The following FNBP1L variants were observed in gnomAD, a reference collection of about 807,000 sequenced individuals.
FNBP1L encodes formin binding protein 1 like.
A neutral mutation model predicts 91.2 loss-of-function variants in FNBP1L; 36 were observed. The ratio of observed to expected loss-of-function variants is 0.39; its 90% confidence interval spans 0.30 to 0.52. FNBP1L has a LOEUF of 0.52. Ranked by LOEUF, FNBP1L falls within the 20% of genes least tolerant of loss-of-function variation. FNBP1L has a pLI of 0.66. For synonymous variants in FNBP1L, 242 were observed against 237.0 expected (o/e 1.02, Z -0.19); for missense variants, 571 against 732.1 (o/e 0.78, Z 2.54).
chr1:93,517,739 C>A (rs1453862566), intron 2 of FNBP1L, among the ~76,000 whole-genome samples: 1 of 151,652 alleles, frequency 6.6e-6, no homozygotes, highest in Non-Finnish European at 1.5e-5. Flanking sequence ...ACTCTTCTTC[C>A]TTCCCTGTTA....
At position 93,448,136 on chromosome 1, in the gene FNBP1L, C is replaced by A; in HGVS notation, c.-146C>A. The A allele has an allele frequency of 9.8e-7, 1 of 1,019,530 alleles. No individual in the cohort carries two copies. The highest frequency in any genetic ancestry group is 1.6e-5 in the South Asian group (1 of 63,648). 63.2% of individuals were successfully genotyped at this position (1,019,530 alleles called of 1,614,324 possible). A position where few individuals can be genotyped will look rare whatever the true frequency, so the allele number is the denominator to read the frequency against. ...CTTCTCCAGTCGCGTCTTTCTCACTCACTGGGGAGCCCGGCGGTGGCGGCA... is the reference window on the plus strand; with the variant it reads ...CTTCTCCAGTCGCGTCTTTCTCACTAACTGGGGAGCCCGGCGGTGGCGGCA... On this transcript the variant is annotated 5_prime_UTR_variant, in exon 1 of 17. Transcript: ENST00000271234.
intron 5 of FNBP1L, among the ~76,000 whole-genome samples, chr1:93,527,121 A>G (rs1671519354): frequency 6.6e-6 from 1 of 152,220 alleles, no homozygotes; most frequent in Non-Finnish European, 1.5e-5. Flanking sequence ...ATTTGAAAAA[A>G]TCCTGGAGCG....
At chr1:93,448,401 C>A in intron 1 of FNBP1L, 96 bp downstream of exon 1, 2 of 1,328,984 alleles carry the variant, frequency 1.5e-6, no homozygotes, top group Non-Finnish European at 2.0e-6. Context: ...AAGCGCGCTC[C>A]GCCGTCCTCG....
chr1:93,530,478 A>C (rs983871789), intron 6 of FNBP1L, among the ~76,000 whole-genome samples: 2 of 152,122 alleles, frequency 1.3e-5, no homozygotes, highest in African/African-American at 2.4e-5. Flanking sequence ...AGTCTATATT[A>C]GAATGTCTTA....
At chr1:93,528,831 C>A (rs1671578908) in intron 5 of FNBP1L, among the ~76,000 whole-genome samples, 1 of 151,948 alleles carries the variant, frequency 6.6e-6, no homozygotes, top group Non-Finnish European at 1.5e-5. Context: ...CTGGAAAAAA[C>A]TGGTTGAATT....
chr1:93,523,317 C>T, intron 3 of FNBP1L, 27 bp from the exon 4 acceptor site: 1 of 1,578,740 alleles, frequency 6.3e-7, no homozygotes, highest in Non-Finnish European at 8.6e-7. Flanking sequence ...AAAAGTAAGT[C>T]TCACCATTTT....
At chr1:93,542,776 CTTTTTT>C (rs34922906) in intron 11 of FNBP1L, among the ~76,000 whole-genome samples, 1 of 125,588 alleles carries the variant, frequency 8.0e-6, no homozygotes, top group Non-Finnish European at 1.6e-5. Flanking sequence ...TTTTCTTTAC[CTTTTTT>C]TTTTTTTTTT....
At chr1:93,543,148 A>G (rs1229996708) in intron 11 of FNBP1L, among the ~76,000 whole-genome samples, 4 of 152,124 alleles carry the variant, frequency 2.6e-5, no homozygotes, top group South Asian at 2.1e-4. Flanking sequence ...GGCATCATCA[A>G]TTTCTGGAGT....
intron 3 of FNBP1L, among the ~76,000 whole-genome samples, chr1:93,522,713 T>C (rs1436406387): frequency 6.6e-6 from 1 of 152,230 alleles, no homozygotes; most frequent in Non-Finnish European, 1.5e-5. Context: ...GAGTCCTATC[T>C]GAGCTGTTAA....
intron 10 of FNBP1L, among the ~76,000 whole-genome samples, chr1:93,537,738 C>T (rs923564639): frequency 6.6e-6 from 1 of 152,158 alleles, no homozygotes; most frequent in African/African-American, 2.4e-5. Context: ...TCTAAAAGCT[C>T]TGAACACTTG....
chr1:93,480,130 G>A (rs1290927093), intron 1 of FNBP1L, among the ~76,000 whole-genome samples: 2 of 152,070 alleles, frequency 1.3e-5, no homozygotes, highest in Non-Finnish European at 2.9e-5. Context: ...CCTCTGTTAG[G>A]GGTCCCTGAC....
At chr1:93,538,259 ATT>A (rs35394326) in intron 10 of FNBP1L, among the ~76,000 whole-genome samples, 5,395 of 144,764 alleles carry the variant, frequency 0.037, 288 homozygotes, top group African/African-American at 0.12. Context: ...GTGTCATCTT[ATT>A]TTTTTTTTTT....
chr1:93,469,171 G>A (rs1189364344), intron 1 of FNBP1L, among the ~76,000 whole-genome samples: 2 of 151,838 alleles, frequency 1.3e-5, no homozygotes, highest in African/African-American at 4.8e-5. Context: ...GTGCCATGTT[G>A]GTTTGCTGCA....
In FNBP1L at chr1:93,462,993, CATTT is replaced by C. The variant is rs925083537; in HGVS notation, c.24+14695_24+14698del. 6.6e-4 allele frequency among the ~76,000 whole-genome samples: 101 copies of C among 152,200 alleles called. 1 individual carries two copies. The highest frequency in any genetic ancestry group is 3.4e-3 in the Middle Eastern group (1 of 294). On this transcript the variant is annotated intron_variant, in intron 1 of 16. Transcript: ENST00000271234. The stretch of plus-strand genomic sequence containing the variant: ...CTCCTCCATCTATTTATTCATCAAT[CATTT>C]ATTTATATCAGTATGAACTGATGGA...
chr1:93,505,956 C>T (rs1253022491), intron 2 of FNBP1L, among the ~76,000 whole-genome samples: 1 of 152,114 alleles, frequency 6.6e-6, no homozygotes, highest in African/African-American at 2.4e-5. Flanking sequence ...GGATTACAGG[C>T]GTGAGCCACC....
chr1:93,460,756 G>A (rs1668832680), intron 1 of FNBP1L, among the ~76,000 whole-genome samples: 3 of 152,196 alleles, frequency 2.0e-5, no homozygotes, highest in Admixed American at 1.3e-4. Flanking sequence ...GAGCAAAATG[G>A]TCGTAACCAG....
chr1:93,495,060 C>T (rs565672778), intron 1 of FNBP1L, among the ~76,000 whole-genome samples: 15 of 152,210 alleles, frequency 9.9e-5, no homozygotes, highest in African/African-American at 3.1e-4. Context: ...CACAGCCAAA[C>T]GGTATCAATC....
intron 11 of FNBP1L, among the ~76,000 whole-genome samples, chr1:93,543,202 C>G (rs1394335608): frequency 6.6e-6 from 1 of 152,082 alleles, no homozygotes; most frequent in Non-Finnish European, 1.5e-5. Context: ...TAAATAGATT[C>G]AATAGCGGCT....
chr1:93,473,210 T>G (rs1669367569), intron 1 of FNBP1L, among the ~76,000 whole-genome samples: 1 of 152,190 alleles, frequency 6.6e-6, no homozygotes, highest in Non-Finnish European at 1.5e-5. Context: ...AATTAACAAG[T>G]GATTTTGAAC....
Sources: gnomAD v4.1 joint callset for allele counts (sites outside exome capture counted in the v4.1 genomes callset) on GRCh38, gnomAD v4.1.1 for gene constraint, MANE v1.5 for transcripts, NCBI Gene and HGNC (gene_info 2026-07-23, HGNC 2026-07-21) for gene names.